Variants in TASP1 observed in about 807,000 individuals in gnomAD.
TASP1 encodes the protein threonine aspartase 1.
Under a neutral mutation model 56.6 loss-of-function variants are expected in TASP1, and 16 were observed. The observed-to-expected ratio is 0.28, with a 90% confidence interval of 0.19 to 0.43. The LOEUF is 0.43. Ranked by LOEUF, TASP1 falls within the 20% of genes least tolerant of loss-of-function variation. TASP1 has a pLI of 1.00. For synonymous variants in TASP1, 179 were observed against 184.2 expected (o/e 0.97, Z 0.23); for missense variants, 393 against 511.6 (o/e 0.77, Z 2.24).
chr20:13,226,187 T>A, the TASP1 span, among the ~76,000 whole-genome samples: 2 of 152,252 alleles, frequency 1.3e-5, no homozygotes, highest in Admixed American at 6.5e-5. Context: ...CTAACTATCA[T>A]CTTTATGAAC....
At chr20:13,271,323 A>G in the TASP1 span, among the ~76,000 whole-genome samples, 34,711 of 152,156 alleles carry the variant, frequency 0.23, 4,117 homozygotes, top group African/African-American at 0.28. Flanking sequence ...AGTTCCTAGG[A>G]GAGAGATGAC....
chr20:13,192,919 A>G, the TASP1 span, among the ~76,000 whole-genome samples: 2 of 152,178 alleles, frequency 1.3e-5, no homozygotes, highest in Admixed American at 6.5e-5. Flanking sequence ...CATATGGTTA[A>G]GTAAGATAAA....
At chr20:13,464,533 A>C (rs1325227564) in intron 11 of TASP1, among the ~76,000 whole-genome samples, 1 of 152,228 alleles carries the variant, frequency 6.6e-6, no homozygotes, top group African/African-American at 2.4e-5. Flanking sequence ...ATGGATAAAC[A>C]AAATGTAGTA....
intron 11 of TASP1, among the ~76,000 whole-genome samples, chr20:13,480,540 A>G (rs2043102727): frequency 6.6e-6 from 1 of 152,172 alleles, no homozygotes; most frequent in Non-Finnish European, 1.5e-5. Context: ...ATGGGGCTCA[A>G]TATGTATTAG....
At chr20:13,560,523 C>T (rs540391907) in intron 7 of TASP1, among the ~76,000 whole-genome samples, 13 of 152,224 alleles carry the variant, frequency 8.5e-5, no homozygotes, top group South Asian at 4.1e-4. Context: ...AAAGCTAATC[C>T]ATAACTGAGT....
chr20:13,401,883 G>A (rs1188478499), intron 13 of TASP1, among the ~76,000 whole-genome samples: 1 of 152,104 alleles, frequency 6.6e-6, no homozygotes, highest in Non-Finnish European at 1.5e-5. Context: ...TAAAATGTTG[G>A]GTACTAGAAG....
At chr20:13,289,306 G>C in the TASP1 span, among the ~76,000 whole-genome samples, 1 of 152,210 alleles carries the variant, frequency 6.6e-6, no homozygotes, top group African/African-American at 2.4e-5. Flanking sequence ...GGTCTGATGA[G>C]GAAGCCAGGA....
At chr20:13,348,631 G>A in the TASP1 span, among the ~76,000 whole-genome samples, 2 of 152,186 alleles carry the variant, frequency 1.3e-5, no homozygotes, top group Admixed American at 6.5e-5. Flanking sequence ...TATGGGTGGT[G>A]TGGGGCATGC....
At chr20:13,569,684 T>C in intron 6 of TASP1, 98 bp from the exon 7 acceptor site, 1 of 984,810 alleles carries the variant, frequency 1.0e-6, no homozygotes, top group Non-Finnish European at 1.5e-6. Context: ...AGAAAAAGTC[T>C]TGCATATGGA....
At chr20:13,450,125 C>T (rs943445760) in intron 11 of TASP1, among the ~76,000 whole-genome samples, 1 of 152,118 alleles carries the variant, frequency 6.6e-6, no homozygotes, top group Non-Finnish European at 1.5e-5. Context: ...AATTTACTAA[C>T]TGTATAGCAG....
chr20:13,338,519 A>C, the TASP1 span, among the ~76,000 whole-genome samples: 1 of 152,192 alleles, frequency 6.6e-6, no homozygotes, highest in Non-Finnish European at 1.5e-5. Flanking sequence ...GCCCCTGTTC[A>C]AGATGGACTT....
chr20:13,188,807 C>T, the TASP1 span, among the ~76,000 whole-genome samples: 1 of 152,178 alleles, frequency 6.6e-6, no homozygotes, highest in Admixed American at 6.6e-5. Context: ...CATACTTCTG[C>T]ATTTGAGTCC....
the TASP1 span, among the ~76,000 whole-genome samples, chr20:13,245,787 C>G: frequency 6.6e-6 from 1 of 152,234 alleles, no homozygotes; most frequent in South Asian, 2.1e-4. Context: ...AACTTCCAAT[C>G]ATTCCCCTTT....
the TASP1 span, among the ~76,000 whole-genome samples, chr20:13,278,937 C>T: frequency 0.14 from 20,842 of 152,140 alleles, 2,614 homozygotes; most frequent in African/African-American, 0.33. Context: ...CCTTACATAG[C>T]GGTTAGAACA....
the TASP1 span, among the ~76,000 whole-genome samples, chr20:13,205,367 CCAGAGATGGCCTCCCT>C: frequency 6.6e-6 from 1 of 152,152 alleles, no homozygotes; most frequent in Non-Finnish European, 1.5e-5. Context: ...TGTCGCCTCC[CCAGAGATGGCCTCCCT>C]CAGACTCTGT....
the TASP1 span, among the ~76,000 whole-genome samples, chr20:13,174,527 A>G: frequency 0.022 from 3,417 of 152,090 alleles, 62 homozygotes; most frequent in South Asian, 0.034. Context: ...GTAAAACCCC[A>G]TATCTACAAA....
At chr20:13,215,550 A>G in the TASP1 span, among the ~76,000 whole-genome samples, 1 of 152,232 alleles carries the variant, frequency 6.6e-6, no homozygotes, top group African/African-American at 2.4e-5. Context: ...TTATGTTTTA[A>G]TATCACACAG....
intron 12 of TASP1, among the ~76,000 whole-genome samples, chr20:13,424,773 G>A (rs1352486282): frequency 6.6e-6 from 1 of 151,784 alleles, no homozygotes; most frequent in Non-Finnish European, 1.5e-5. Context: ...GGGCTTTGTG[G>A]GACTTCTAGA....
the TASP1 span, chr20:13,164,845 C>T: frequency 1.9e-5 from 30 of 1,613,346 alleles, no homozygotes; most frequent in Middle Eastern, 1.6e-4. Context: ...TATGATGAGA[C>T]GAGCTTTGAA....
Sources: gnomAD v4.1 joint callset for allele counts (sites outside exome capture counted in the v4.1 genomes callset) on GRCh38, gnomAD v4.1.1 for gene constraint, MANE v1.5 for transcripts, NCBI Gene and HGNC (gene_info 2026-07-23, HGNC 2026-07-21) for gene names.